The following PDE3B variants were observed in gnomAD, a reference collection of about 807,000 sequenced individuals.
The protein encoded by PDE3B is phosphodiesterase 3B, also known as cGMP-inhibited 3',5'-cyclic phosphodiesterase 3B.
A neutral mutation model predicts 116.8 loss-of-function variants in PDE3B; 66 were observed. The ratio of observed to expected loss-of-function variants is 0.56; its 90% CI spans 0.46 to 0.69. PDE3B has a LOEUF of 0.69. Among genes scored for constraint, PDE3B ranks in the 30% least tolerant of loss-of-function variants. The pLI is 0.00. For missense variants in PDE3B, 1,384 were observed against 1,368.1 expected, an observed-to-expected ratio of 1.01 and a Z score of -0.18; for synonymous variants, 595 against 533.6, an observed-to-expected ratio of 1.12 and a Z score of -1.59.
the PDE3B span, among the ~76,000 whole-genome samples, chr11:14,899,268 C>G: frequency 6.6e-6 from 1 of 152,150 alleles, no homozygotes; most frequent in Non-Finnish European, 1.5e-5. Context: ...GAGAGCTGTT[C>G]TACTGTCTCC....
At chr11:14,687,182 A>G (rs1237786018) in intron 1 of PDE3B, among the ~76,000 whole-genome samples, 1 of 152,190 alleles carries the variant, frequency 6.6e-6, no homozygotes, top group Non-Finnish European at 1.5e-5. Flanking sequence ...AAAAGTTAAG[A>G]TAATAGACAT....
chr11:14,778,757 C>G (rs1275291329), intron 2 of PDE3B, among the ~76,000 whole-genome samples: 1 of 152,140 alleles, frequency 6.6e-6, no homozygotes, highest in Non-Finnish European at 1.5e-5. Flanking sequence ...ATCAGAGTGC[C>G]CCTTCTCCTC....
At chr11:14,856,630 A>G (rs1847855219) in intron 12 of PDE3B, among the ~76,000 whole-genome samples, 1 of 152,104 alleles carries the variant, frequency 6.6e-6, no homozygotes, top group African/African-American at 2.4e-5. Context: ...TGAGAAGGGC[A>G]GATCACGAGG....
At chr11:14,766,715 T>C (rs1450797866) in intron 1 of PDE3B, among the ~76,000 whole-genome samples, 1 of 151,636 alleles carries the variant, frequency 6.6e-6, no homozygotes, top group African/African-American at 2.4e-5. Context: ...GTTAGTGTAG[T>C]ACTCATTGCT....
chr11:14,739,228 A>T (rs994618253), intron 1 of PDE3B, among the ~76,000 whole-genome samples: 6 of 152,136 alleles, frequency 3.9e-5, no homozygotes, highest in Admixed American at 3.9e-4. Flanking sequence ...ATTCTTCCTA[A>T]CCATGAGCGT....
intron 1 of PDE3B, among the ~76,000 whole-genome samples, chr11:14,703,154 C>A (rs968015026): frequency 6.6e-6 from 1 of 151,752 alleles, no homozygotes; most frequent in African/African-American, 2.4e-5. Flanking sequence ...TTGGGGAAAT[C>A]TTACCCCAGT....
chr11:14,819,134 A>G lies in PDE3B; in HGVS notation c.1734-2A>G. ...ATATATTTATCTATTTTATTCTATA[A>G]GCTGTGGACATCAAATGCTGAAATA... On this transcript the variant is annotated splice_acceptor_variant, in intron 6 of 15. Transcript: ENST00000282096. LOFTEE classifies it high-confidence loss of function. 5 of 1,556,404 alleles carry G rather than the reference A, an allele frequency of 3.2e-6. No individual in the cohort carries two copies. Among genetic ancestry groups the G allele is most frequent in the South Asian group, 1.1e-5 (1 of 87,898 alleles).
chr11:14,782,218 C>G (rs957133816), intron 2 of PDE3B, among the ~76,000 whole-genome samples: 22 of 152,192 alleles, frequency 1.4e-4, no homozygotes, highest in African/African-American at 5.3e-4. Context: ...CCATCCCCAA[C>G]AAGCTAGCAT....
At chr11:14,883,436 A>G in the PDE3B span, among the ~76,000 whole-genome samples, 2 of 152,166 alleles carry the variant, frequency 1.3e-5, 1 homozygote, top group South Asian at 4.1e-4. Context: ...AATGGGGAAA[A>G]GATTCCCTAT....
rs868741830 is a variant in PDE3B, at chr11:14,735,771, T to C, written c.979-36166T>C. On this transcript the variant is annotated intron_variant, in intron 1 of 15. Transcript: ENST00000282096. ...CTGGCCATCACTGCAATAGATTCAA[T>C]ATAAAGGTATGCTGGCTTTTAGGGT... Among the ~76,000 whole-genome samples, 194 of 152,304 alleles carry C rather than the reference T, an allele frequency of 1.3e-3. 1 individual carries two copies. Among genetic ancestry groups the C allele is most frequent in the African/African-American group, 4.5e-3 (185 of 41,568 alleles).
At position 14,645,002 on chromosome 11, in the gene PDE3B, C is replaced by A; in HGVS notation, c.927C>A (p.Gly309=). The part of the protein sequence containing the change: ...SLGETAASYY[G]SCKIFRRPSL... ...GAGAAACTGCAGCCAGTTACTATGG[C>A]AGTTGCAAAATATTCAGGAGACCGT... Residue 309 remains glycine, a synonymous_variant, in exon 1 of 16, where the codon GGC becomes GGA. Transcript: ENST00000282096. The A allele has an allele frequency of 6.2e-7, 1 of 1,613,404 alleles. No homozygotes were observed. Among genetic ancestry groups the A allele is most frequent in the Non-Finnish European group, 8.5e-7 (1 of 1,179,814 alleles).
chr11:14,786,789 A>C (rs1235721228), intron 3 of PDE3B, 104 bp downstream of exon 3: 5 of 872,536 alleles, frequency 5.7e-6, no homozygotes, highest in Non-Finnish European at 8.9e-6. Context: ...CGTTTCAAGG[A>C]TCAGACATAA....
At chr11:14,793,828 T>C (rs1246846717) in intron 4 of PDE3B, among the ~76,000 whole-genome samples, 1 of 152,180 alleles carries the variant, frequency 6.6e-6, no homozygotes, top group Admixed American at 6.6e-5. Flanking sequence ...GTATGTTAAA[T>C]TCTGTGCCTT....
intron 7 of PDE3B, among the ~76,000 whole-genome samples, chr11:14,827,227 AAG>A (rs2133958616): frequency 6.6e-6 from 1 of 152,334 alleles, no homozygotes; most frequent in East Asian, 1.9e-4. Context: ...GAATGGGCAA[AAG>A]CTGGAAGCAT....
chr11:14,702,738 G>A (rs1003798400), intron 1 of PDE3B, among the ~76,000 whole-genome samples: 2 of 151,920 alleles, frequency 1.3e-5, no homozygotes, highest in African/African-American at 2.4e-5. Flanking sequence ...ACATTAGACA[G>A]TGCAGATATA....
chr11:14,877,873 T>G, the PDE3B span: 7 of 469,060 alleles, frequency 1.5e-5, no homozygotes. Context: ...TCTTAGCATT[T>G]TAAGCAACAC....
chr11:14,856,137 T>G (rs138722059), intron 12 of PDE3B, among the ~76,000 whole-genome samples: 82 of 152,262 alleles, frequency 5.4e-4, no homozygotes, highest in African/African-American at 1.9e-3. Flanking sequence ...TGTCATGAGA[T>G]CTGATGGTTT....
At chr11:14,813,932 GTAT>G (rs1489203244) in intron 5 of PDE3B, among the ~76,000 whole-genome samples, 1 of 152,148 alleles carries the variant, frequency 6.6e-6, no homozygotes, top group Non-Finnish European at 1.5e-5. Flanking sequence ...ATGTTGGGAA[GTAT>G]TATTACAGGA....
Position 14,869,726 on chromosome 11 carries a change from T to A in PDE3B, c.*66T>A. On this transcript the variant is annotated 3_prime_UTR_variant, in exon 16 of 16. Transcript: ENST00000282096. ...AGAGGGTTGTGCCCAGGGGCAGAAATCATTGCCTAGTGTTCACCGGCTGAC... is the reference window on the plus strand; with the variant it reads ...AGAGGGTTGTGCCCAGGGGCAGAAAACATTGCCTAGTGTTCACCGGCTGAC... 1 of 1,340,916 alleles carries A rather than the reference T, an allele frequency of 7.5e-7. No individual in the cohort carries two copies. Among genetic ancestry groups the A allele is most frequent in the Non-Finnish European group, 1.1e-6 (1 of 950,044 alleles). 83.1% of individuals were successfully genotyped at this position (1,340,916 alleles called of 1,614,324 possible).
Sources: gnomAD v4.1 joint callset for allele counts (sites outside exome capture counted in the v4.1 genomes callset) on GRCh38, gnomAD v4.1.1 for gene constraint, MANE v1.5 for transcripts, NCBI Gene and HGNC (gene_info 2026-07-23, HGNC 2026-07-21) for gene names.